The following FGD5 variants were observed in gnomAD, a reference collection of about 807,000 sequenced individuals.
FGD5 encodes the protein FYVE, RhoGEF and PH domain containing 5.
Under a neutral mutation model 133.4 loss-of-function variants are expected in FGD5, and 28 were observed. The observed-to-expected ratio is 0.21, with a 90% CI of 0.16 to 0.29. The LOEUF is 0.29. FGD5 is among the 10% of genes least tolerant of loss of function. FGD5 has a pLI of 1.00. For missense variants in FGD5, 1,858 were observed against 1,895.2 expected, an observed-to-expected ratio of 0.98 and a Z score of 0.36; for synonymous variants, 810 against 776.5, an observed-to-expected ratio of 1.04 and a Z score of -0.72.
chr3:14,907,750 G>C (rs1479744902), intron 10 of FGD5, 39 bp downstream of exon 10: 10 of 1,601,220 alleles, frequency 6.2e-6, no homozygotes, highest in Non-Finnish European at 8.5e-6. Context: ...GAGGGTGGCT[G>C]GGCGAGGCTC....
chr3:14,880,791 T>G lies in FGD5; in HGVS notation c.2748+19T>G, dbSNP rs1450188009. On this transcript the variant is annotated intron_variant, in intron 4 of 19. Transcript: ENST00000285046. Reference sequence around the variant, plus strand: ...AAATCTGGTGAGTTAATCATTTTAATTGTCCAAAACTAATTGCCCTTTTAC... The same window carrying G: ...AAATCTGGTGAGTTAATCATTTTAAGTGTCCAAAACTAATTGCCCTTTTAC... 6.2e-7 allele frequency: 1 copy of G among 1,612,664 alleles called. No homozygotes were observed. Among genetic ancestry groups the G allele is most frequent in the Admixed American group, 1.7e-5 (1 of 59,858 alleles).
intron 13 of FGD5, among the ~76,000 whole-genome samples, chr3:14,920,700 C>T (rs1008866323): frequency 2.0e-5 from 3 of 152,192 alleles, no homozygotes; most frequent in African/African-American, 7.2e-5. Context: ...CAGACGCCGC[C>T]GTGATCCTCA....
At chr3:14,861,405 C>T (rs577706049) in intron 1 of FGD5, among the ~76,000 whole-genome samples, 5 of 152,154 alleles carry the variant, frequency 3.3e-5, no homozygotes, top group African/African-American at 7.2e-5. Context: ...CTCTCATCTC[C>T]GCACTCCACT....
intron 18 of FGD5, among the ~76,000 whole-genome samples, chr3:14,929,087 T>G (rs1459700413): frequency 6.6e-6 from 1 of 152,222 alleles, no homozygotes; most frequent in Non-Finnish European, 1.5e-5. Context: ...TAGTTTTGCC[T>G]CTTGATCCTC....
At chr3:14,860,157 G>C (rs1481183224) in intron 1 of FGD5, among the ~76,000 whole-genome samples, 1 of 152,212 alleles carries the variant, frequency 6.6e-6, no homozygotes, top group Non-Finnish European at 1.5e-5. Context: ...GCTTTTGGCA[G>C]GGGATGAGGC....
chr3:14,899,549 T>C (rs1393272590), intron 7 of FGD5, among the ~76,000 whole-genome samples: 2 of 152,336 alleles, frequency 1.3e-5, no homozygotes, highest in African/African-American at 4.8e-5. Context: ...CAACTGGGGC[T>C]CCTCAAAAAT....
chr3:14,897,337 ATGTGGTCATCTCTGCTT>A, intron 4 of FGD5, 155 bp from the exon 5 acceptor site: 2 of 731,228 alleles, frequency 2.7e-6, no homozygotes, highest in South Asian at 4.0e-5. Flanking sequence ...CGCCAGGTGC[ATGTGGTCATCTCTGCTT>A]TGTAGGTGAG....
intron 18 of FGD5, among the ~76,000 whole-genome samples, chr3:14,928,289 C>G (rs2038847748): frequency 6.6e-6 from 1 of 152,002 alleles, no homozygotes; most frequent in Non-Finnish European, 1.5e-5. Context: ...TCAGGCTGTT[C>G]TCGAACTGCT....
At chr3:14,893,752 CTTT>C (rs138741627) in intron 4 of FGD5, among the ~76,000 whole-genome samples, 4 of 95,056 alleles carry the variant, frequency 4.2e-5, no homozygotes, top group African/African-American at 1.8e-4. Flanking sequence ...TTTCTTTTTT[CTTT>C]TTTTTTTTTT....
At chr3:14,827,350 G>A (rs978844770) in intron 1 of FGD5, among the ~76,000 whole-genome samples, 6 of 148,044 alleles carry the variant, frequency 4.1e-5, no homozygotes, top group East Asian at 2.0e-4. Context: ...GTGCAGTGGC[G>A]CGATCTCGGC....
intron 1 of FGD5, among the ~76,000 whole-genome samples, chr3:14,854,289 A>T (rs2037227735): frequency 6.6e-6 from 1 of 152,126 alleles, no homozygotes; most frequent in African/African-American, 2.4e-5. Flanking sequence ...GAGTGGTGGG[A>T]CCATAGTACT....
At chr3:14,853,726 T>C (rs1306080109) in intron 1 of FGD5, among the ~76,000 whole-genome samples, 1 of 134,672 alleles carries the variant, frequency 7.4e-6, no homozygotes, top group Non-Finnish European at 1.5e-5. Context: ...CAGCGTTACA[T>C]AGGACGGAAT....
At chr3:14,872,706 G>A (rs1230223758) in intron 2 of FGD5, among the ~76,000 whole-genome samples, 2 of 152,206 alleles carry the variant, frequency 1.3e-5, no homozygotes, top group African/African-American at 4.8e-5. Context: ...AGATGAAGCT[G>A]GGGCGGCATG....
At chr3:14,912,433 G>A (rs1033807040) in intron 11 of FGD5, among the ~76,000 whole-genome samples, 5 of 152,232 alleles carry the variant, frequency 3.3e-5, no homozygotes, top group East Asian at 1.9e-4. Flanking sequence ...GGACCCCAGG[G>A]GGGATTTTGA....
chr3:14,933,397 C>T lies in FGD5; in HGVS notation c.*230C>T, dbSNP rs2038931806. On this transcript the variant is annotated 3_prime_UTR_variant, in exon 20 of 20. Coordinates refer to ENST00000285046, the MANE Select transcript of FGD5 (RefSeq NM_152536.4). ...TCCTTTTCTGTGTTTTCCACCCCTA[C>T]CCCCACCCGCCACCCAGTAATAAAC... 1 of 554,598 alleles carries T rather than the reference C, an allele frequency of 1.8e-6. No individual in the cohort carries two copies. The highest frequency in any genetic ancestry group is 2.2e-5 in the South Asian group (1 of 44,524). The allele number at this position is 554,598 out of a possible 1,614,324, so 34.4% of individuals were successfully genotyped here.
At chr3:14,925,883 C>T (rs776287060) in intron 17 of FGD5, among the ~76,000 whole-genome samples, 187 bp from the exon 18 acceptor site, 2 of 152,194 alleles carry the variant, frequency 1.3e-5, no homozygotes, top group Non-Finnish European at 2.9e-5. Context: ...TTCATTAAAT[C>T]CTGTTTCTCA....
intron 4 of FGD5, among the ~76,000 whole-genome samples, chr3:14,890,179 C>T (rs35055016): frequency 0.019 from 2,968 of 152,306 alleles, 39 homozygotes; most frequent in Non-Finnish European, 0.03. Flanking sequence ...CCTGGCATCC[C>T]TTCTGCCTGG....
intron 4 of FGD5, among the ~76,000 whole-genome samples, chr3:14,891,231 A>G (rs1575235868): frequency 2.0e-5 from 3 of 151,612 alleles, no homozygotes; most frequent in Non-Finnish European, 2.9e-5. Flanking sequence ...CGGCAGGGAA[A>G]CCTCCACCCC....
In FGD5 at chr3:14,917,744, GC is replaced by G. The variant is rs2038587259; in HGVS notation, c.3489+413del. On this transcript the variant is annotated intron_variant, in intron 12 of 19. Coordinates refer to ENST00000285046, the MANE Select transcript of FGD5 (RefSeq NM_152536.4). This position sits in a 1 kb window ranked among gnomAD's most constrained non-coding sequence, Gnocchi z 4.1. ...CTGTGGCACTAAGCACATTTACATT[GC>G]TGTGTATCCAGCACCACCATCCATC... Among the ~76,000 whole-genome samples, 1 of 152,112 alleles carries G rather than the reference GC, an allele frequency of 6.6e-6. No individual in the cohort carries two copies. The highest frequency in any genetic ancestry group is 2.1e-4 in the South Asian group (1 of 4,824).
Sources: allele counts gnomAD v4.1 joint callset (sites outside exome capture counted in the v4.1 genomes callset), GRCh38; gene constraint gnomAD v4.1.1; non-coding constraint Gnocchi (gnomAD v3.1); transcripts MANE v1.5; gene names NCBI Gene and HGNC (gene_info 2026-07-23, HGNC 2026-07-21).